The following SPRED2 variants were observed in gnomAD, a reference collection of about 807,000 sequenced individuals.
SPRED2 encodes sprouty-related, EVH1 domain-containing protein 2.
A neutral mutation model predicts 43.0 loss-of-function variants in SPRED2; 47 were observed. The ratio of observed to expected loss-of-function variants is 1.09; its 90% confidence interval spans 0.87 to 1.40. SPRED2 has a LOEUF of 1.40. Ranked by LOEUF, SPRED2 falls within the 40% of genes most tolerant of loss-of-function variation. SPRED2 has a pLI of 0.00. For missense variants in SPRED2, 561 were observed against 586.4 expected, an observed-to-expected ratio of 0.96 and a Z score of 0.45; for synonymous variants, 225 against 225.7, an observed-to-expected ratio of 1.00 and a Z score of 0.03.
At chr2:65,339,058 G>A (rs1421450185) in intron 2 of SPRED2, among the ~76,000 whole-genome samples, 1 of 137,052 alleles carries the variant, frequency 7.3e-6, no homozygotes, top group East Asian at 2.2e-4. Flanking sequence ...GGGGGGCTCA[G>A]CCCCCCGCCG....
chr2:65,312,794 T>C lies in SPRED2; in HGVS notation c.*707A>G. The C allele has an allele frequency of 1.0e-6, 1 of 985,842 alleles. No homozygotes were observed. The highest frequency in any genetic ancestry group is 5.2e-4 in the Middle Eastern group (1 of 1,914). 61.1% of individuals were successfully genotyped at this position (985,842 alleles called of 1,614,324 possible). ...AGTTAAGGCTCAATTCTCAGTCTAT[T>C]ACGGGTGAATGTTTTGCATCAGTGA... On this transcript the variant is annotated 3_prime_UTR_variant, in exon 6 of 6. Transcript: ENST00000356388.
intron 1 of SPRED2, among the ~76,000 whole-genome samples, chr2:65,364,135 A>G (rs187220038): frequency 2.8e-4 from 42 of 152,352 alleles, no homozygotes; most frequent in African/African-American, 9.6e-4. Flanking sequence ...TGAAGAACCA[A>G]AAAGGAATAG....
At chr2:65,342,075 A>G (rs1674199817) in intron 2 of SPRED2, among the ~76,000 whole-genome samples, 1 of 151,498 alleles carries the variant, frequency 6.6e-6, no homozygotes, top group Admixed American at 6.6e-5. Context: ...ACATCAACAG[A>G]TAATTAATTC....
chr2:65,375,255 C>A (rs112321537), intron 1 of SPRED2, among the ~76,000 whole-genome samples: 194 of 152,370 alleles, frequency 1.3e-3, no homozygotes, highest in Admixed American at 2.5e-3. Flanking sequence ...TCAACTGGCA[C>A]TCCATCACAG....
chr2:65,314,294 T>C (rs1673173541), intron 5 of SPRED2, 125 bp from the exon 6 acceptor site: 1 of 891,712 alleles, frequency 1.1e-6, no homozygotes, highest in East Asian at 2.7e-5. Flanking sequence ...TCCATCACGA[T>C]GCTCCGTGAA....
intron 1 of SPRED2, among the ~76,000 whole-genome samples, chr2:65,385,271 C>G (rs980659471): frequency 6.6e-6 from 1 of 152,152 alleles, no homozygotes; most frequent in African/African-American, 2.4e-5. Flanking sequence ...CACGCCCGGC[C>G]TGCTTTCCAC....
intron 1 of SPRED2, chr2:65,377,473 C>T (rs1558676127): frequency 4.7e-6 from 2 of 423,102 alleles, no homozygotes; most frequent in Non-Finnish European, 5.0e-6. Flanking sequence ...TGCCGACCCC[C>T]CAAAGCCTCA....
At chr2:65,374,866 C>T (rs1442851318) in intron 1 of SPRED2, among the ~76,000 whole-genome samples, 1 of 152,190 alleles carries the variant, frequency 6.6e-6, no homozygotes, top group Non-Finnish European at 1.5e-5. Flanking sequence ...TGGAGAGCAC[C>T]CAACTTGTTT....
chr2:65,345,047 C>T, intron 1 of SPRED2, 151 bp from the exon 2 acceptor site: 1 of 663,466 alleles, frequency 1.5e-6, no homozygotes, highest in South Asian at 2.5e-5. Flanking sequence ...AGTGGTCCAT[C>T]TCAACTTTTA....
At chr2:65,317,935 GA>G (rs1673293356) in intron 4 of SPRED2, among the ~76,000 whole-genome samples, 1 of 152,202 alleles carries the variant, frequency 6.6e-6, no homozygotes, top group East Asian at 1.9e-4. Flanking sequence ...TTTGGAAGGT[GA>G]TTAGCTATCA....
In SPRED2 at chr2:65,311,882, T is replaced by A; in HGVS notation, c.*1619A>T. ...ATATGATTGGCAGACTGGAAAAAAG[T>A]CCCTTTCCTTGAAGACTGGTGTCCT... is the stretch of plus-strand genomic sequence containing the variant. On this transcript the variant is annotated 3_prime_UTR_variant, in exon 6 of 6. Transcript: ENST00000356388. The A allele has an allele frequency of 1.0e-6, 1 of 985,314 alleles. No individual in the cohort carries two copies. Among genetic ancestry groups the A allele is most frequent in the Non-Finnish European group, 1.2e-6 (1 of 829,926 alleles). 61.0% of individuals were successfully genotyped at this position (985,314 alleles called of 1,614,324 possible). A position where few individuals can be genotyped will look rare whatever the true frequency, so the allele number is the denominator to read the frequency against.
At chr2:65,332,093 A>T in intron 3 of SPRED2, 42 bp from the exon 4 acceptor site, 2 of 1,315,926 alleles carry the variant, frequency 1.5e-6, no homozygotes, top group Non-Finnish European at 2.2e-6. Flanking sequence ...TCCCAAGAGG[A>T]TACATCAAAT....
At chr2:65,384,073 C>A (rs561635713) in intron 1 of SPRED2, among the ~76,000 whole-genome samples, 1 of 150,616 alleles carries the variant, frequency 6.6e-6, no homozygotes, top group East Asian at 1.9e-4. Flanking sequence ...CTTCTTTCTC[C>A]TGCATTCTTG....
chr2:65,401,937 G>GCACGCACACA (rs1553426623), intron 1 of SPRED2, among the ~76,000 whole-genome samples: 2 of 114,714 alleles, frequency 1.7e-5, no homozygotes, highest in African/African-American at 3.4e-5. Flanking sequence ...GCGCGCGCGC[G>GCACGCACACA]CACACACACA....
intron 2 of SPRED2, among the ~76,000 whole-genome samples, chr2:65,340,544 G>C (rs555548689): frequency 1.3e-5 from 2 of 152,258 alleles, no homozygotes; most frequent in African/African-American, 4.8e-5. Context: ...TTTGTTTCAG[G>C]AGTAAACTCC....
At chr2:65,368,836 C>T (rs1348657652) in intron 1 of SPRED2, among the ~76,000 whole-genome samples, 2 of 152,126 alleles carry the variant, frequency 1.3e-5, no homozygotes, top group East Asian at 3.8e-4. Flanking sequence ...AATCCCAACA[C>T]TTTGGGAGGC....
chr2:65,400,477 G>A (rs1480437662), intron 1 of SPRED2, among the ~76,000 whole-genome samples: 1 of 152,098 alleles, frequency 6.6e-6, no homozygotes, highest in African/African-American at 2.4e-5. Flanking sequence ...ATCCCTTCTG[G>A]GACCGTTGGC....
rs149907967 is a variant in SPRED2 at position 65,381,219 on chromosome 2, G to A, written c.27-36323C>T. Reference sequence around the variant, plus strand: ...CCTCAACTCGTAGCTCAGCTGGTTTGGCAACCCAGAATTTAACCCTCCCTT... The same window carrying A: ...CCTCAACTCGTAGCTCAGCTGGTTTAGCAACCCAGAATTTAACCCTCCCTT... On this transcript the variant is annotated intron_variant, in intron 1 of 5. Coordinates refer to ENST00000356388, the MANE Select transcript of SPRED2 (RefSeq NM_181784.3). 3.9e-4 allele frequency among the ~76,000 whole-genome samples: 60 copies of A among 152,306 alleles called. 1 individual carries two copies. The highest frequency in any genetic ancestry group is 1.4e-3 in the African/African-American group (58 of 41,572).
intron 1 of SPRED2, among the ~76,000 whole-genome samples, chr2:65,388,081 G>A (rs544382096): frequency 1.3e-5 from 2 of 152,272 alleles, no homozygotes; most frequent in African/African-American, 2.4e-5. Context: ...GAGCCACCAC[G>A]CCCAGCGGAG....
Sources: gnomAD v4.1 joint callset for allele counts (sites outside exome capture counted in the v4.1 genomes callset) on GRCh38, gnomAD v4.1.1 for gene constraint, MANE v1.5 for transcripts, NCBI Gene and HGNC (gene_info 2026-07-23, HGNC 2026-07-21) for gene names.